Variants in PARD3 observed in about 807,000 individuals in gnomAD.
PARD3 encodes par-3 family cell polarity regulator, also known as partitioning defective 3 homolog.
A neutral mutation model predicts 155.4 loss-of-function variants in PARD3; 75 were observed. The ratio of observed to expected loss-of-function variants is 0.48; its 90% CI spans 0.40 to 0.58. PARD3 has a LOEUF of 0.58. Among genes scored for constraint, PARD3 ranks in the 20% least tolerant of loss-of-function variants. The pLI is 0.00. For synonymous variants in PARD3, 576 were observed against 610.5 expected, an observed-to-expected ratio of 0.94 and a Z score of 0.83; for missense variants, 1,642 against 1,721.7, an observed-to-expected ratio of 0.95 and a Z score of 0.82.
intron 2 of PARD3, among the ~76,000 whole-genome samples, chr10:34,666,774 CCCTA>C (rs1203450688): frequency 0.11 from 374 of 3,442 alleles, 4 homozygotes; most frequent in Middle Eastern, 0.17. Flanking sequence ...CTACCCCTCC[CCCTA>C]AAAAAAAAAA....
intron 5 of PARD3, among the ~76,000 whole-genome samples, chr10:34,406,263 T>C (rs537513120): frequency 6.6e-6 from 1 of 152,186 alleles, no homozygotes; most frequent in Non-Finnish European, 1.5e-5. Flanking sequence ...AGATCAAGCA[T>C]GAAAGATAAA....
At chr10:34,503,336 C>T (rs548401238) in intron 3 of PARD3, among the ~76,000 whole-genome samples, 3 of 152,290 alleles carry the variant, frequency 2.0e-5, no homozygotes, top group South Asian at 4.1e-4. Context: ...TAGCAGTTCA[C>T]TAAAATGCCC....
At chr10:34,505,478 A>G (rs1158996813) in intron 3 of PARD3, among the ~76,000 whole-genome samples, 1 of 152,182 alleles carries the variant, frequency 6.6e-6, no homozygotes, top group East Asian at 1.9e-4. Context: ...CTTTGTGCAC[A>G]GGGGGTCCAG....
chr10:34,223,725 C>T (rs1952437185), intron 22 of PARD3, among the ~76,000 whole-genome samples: 1 of 152,148 alleles, frequency 6.6e-6, no homozygotes, highest in African/African-American at 2.4e-5. Flanking sequence ...TAATGACAGC[C>T]ATCTATTAAT....
chr10:34,164,848 C>T (rs780897821), intron 22 of PARD3, among the ~76,000 whole-genome samples: 2 of 152,082 alleles, frequency 1.3e-5, no homozygotes, highest in African/African-American at 4.8e-5. Flanking sequence ...TGGGGATGAG[C>T]GAAAACAAGC....
chr10:34,533,363 C>A (rs993905761), intron 2 of PARD3, among the ~76,000 whole-genome samples: 6 of 152,078 alleles, frequency 3.9e-5, no homozygotes, highest in Non-Finnish European at 8.8e-5. Context: ...ATCCATACCC[C>A]AAACCTCAAC....
chr10:34,533,775 CAGCCTGGGT>C (rs1263159940), intron 2 of PARD3, among the ~76,000 whole-genome samples: 1 of 151,810 alleles, frequency 6.6e-6, no homozygotes, highest in Non-Finnish European at 1.5e-5. Flanking sequence ...CACTGCACTC[CAGCCTGGGT>C]GACAGAGCAA....
chr10:34,313,225 G>A (rs1957801021), intron 20 of PARD3, among the ~76,000 whole-genome samples: 1 of 152,108 alleles, frequency 6.6e-6, no homozygotes, highest in African/African-American at 2.4e-5. Context: ...TGTGCTCCCC[G>A]CTTTGCTCTG....
chr10:34,582,627 ATGAACTGGTTGAAC>A (rs1381610662), intron 2 of PARD3, among the ~76,000 whole-genome samples: 1 of 152,232 alleles, frequency 6.6e-6, no homozygotes, highest in Non-Finnish European at 1.5e-5. Flanking sequence ...CCCCAAAGCC[ATGAACTGGTTGAAC>A]TGAAGCATTC....
chr10:34,619,230 T>G (rs2091462613), intron 2 of PARD3, among the ~76,000 whole-genome samples: 1 of 152,010 alleles, frequency 6.6e-6, no homozygotes, highest in Admixed American at 6.6e-5. Flanking sequence ...TTTGTATTTT[T>G]GGTAGAGACG....
chr10:34,496,991 G>A (rs182444811), intron 3 of PARD3, among the ~76,000 whole-genome samples: 8 of 152,284 alleles, frequency 5.3e-5, no homozygotes, highest in South Asian at 4.1e-4. Flanking sequence ...GGATGAGTTC[G>A]TAGGAGTATA....
chr10:34,241,497 C>G (rs1953594368), intron 22 of PARD3, among the ~76,000 whole-genome samples: 1 of 151,824 alleles, frequency 6.6e-6, no homozygotes, highest in Admixed American at 6.6e-5. Context: ...AAAGACAGGT[C>G]CATAAAAAGA....
chr10:34,606,462 G>GT (rs2090446986), intron 2 of PARD3, among the ~76,000 whole-genome samples: 1 of 151,662 alleles, frequency 6.6e-6, no homozygotes, highest in Admixed American at 6.6e-5. Context: ...TGGTTGGTTG[G>GT]TTTTTTCTGG....
At chr10:34,486,345 T>C (rs931342819) in intron 3 of PARD3, among the ~76,000 whole-genome samples, 4 of 152,150 alleles carry the variant, frequency 2.6e-5, no homozygotes, top group Non-Finnish European at 5.9e-5. Flanking sequence ...TGGCCAAGAA[T>C]GGGTCCATTC....
intron 1 of PARD3, among the ~76,000 whole-genome samples, chr10:34,806,388 G>A (rs1404560628): frequency 6.6e-6 from 1 of 152,018 alleles, no homozygotes; most frequent in Non-Finnish European, 1.5e-5. Flanking sequence ...TAGAGATGGG[G>A]TTTCACTACT....
chr10:34,262,407 T>C (rs1431596142), intron 22 of PARD3, among the ~76,000 whole-genome samples: 1 of 152,076 alleles, frequency 6.6e-6, no homozygotes, highest in Admixed American at 6.5e-5. Context: ...GCTGGGACTA[T>C]AGGTGTGTGA....
chr10:34,586,298 C>A (rs979705907), intron 2 of PARD3, among the ~76,000 whole-genome samples: 3 of 151,912 alleles, frequency 2.0e-5, no homozygotes, highest in Non-Finnish European at 2.9e-5. Flanking sequence ...TGAATAAGCA[C>A]CAAGAGGCAA....
chr10:34,120,882 CCT>C (rs1230150655), intron 23 of PARD3, among the ~76,000 whole-genome samples: 1 of 151,892 alleles, frequency 6.6e-6, no homozygotes, highest in Non-Finnish European at 1.5e-5. Flanking sequence ...ACAGTGAGAC[CCT>C]GTCTCCACAA....
At chr10:34,267,193 A>G (rs1955362287) in intron 22 of PARD3, among the ~76,000 whole-genome samples, 1 of 152,202 alleles carries the variant, frequency 6.6e-6, no homozygotes, top group South Asian at 2.1e-4. Context: ...TTCTCCCAGG[A>G]AAACAATTCC....
Sources: allele counts gnomAD v4.1 joint callset (sites outside exome capture counted in the v4.1 genomes callset), GRCh38; gene constraint gnomAD v4.1.1; transcripts MANE v1.5; gene names NCBI Gene and HGNC (gene_info 2026-07-23, HGNC 2026-07-21).